Variants in LIPH observed in about 807,000 individuals in gnomAD.
LIPH encodes lipase member H.
LIPH carries 32 observed loss-of-function variants against 47.6 expected under a neutral mutation model. The ratio of observed to expected loss-of-function variants is 0.67; its 90% CI spans 0.51 to 0.90. The LOEUF is 0.90. LIPH is among the 40% of genes least tolerant of loss of function. The probability of loss-of-function intolerance (pLI) is 0.00; values close to 1 mark genes in which losing one functional copy is unlikely to be tolerated. For synonymous variants in LIPH, 190 were observed against 195.6 expected (o/e 0.97, Z 0.24); for missense variants, 497 against 541.4 (o/e 0.92, Z 0.81).
intron 7 of LIPH, 113 bp downstream of exon 7, chr3:185,516,954 A>G: frequency 1.3e-6 from 1 of 792,822 alleles, no homozygotes; most frequent in Admixed American, 1.7e-5. Flanking sequence ...TCCAGCTCCA[A>G]AGTTGATGCT....
At chr3:185,534,506 A>G (rs895877664) in intron 2 of LIPH, among the ~76,000 whole-genome samples, 3 of 152,196 alleles carry the variant, frequency 2.0e-5, no homozygotes, top group Non-Finnish European at 4.4e-5. Context: ...GAAATTTATC[A>G]TAATAAATAT....
intron 9 of LIPH, 140 bp from the exon 10 acceptor site, chr3:185,509,017 G>C: frequency 3.0e-6 from 2 of 668,320 alleles, no homozygotes; most frequent in Non-Finnish European, 5.4e-6. Context: ...GCCAGGCACG[G>C]TGACTCATGC....
Position 185,517,091 on chromosome 3 carries a change from T to C in LIPH, c.958A>G (p.Thr320Ala). 1.9e-6 allele frequency: 3 copies of C among 1,612,644 alleles called. No individual in the cohort carries two copies. Among genetic ancestry groups the C allele is most frequent in the Non-Finnish European group, 2.5e-6 (3 of 1,178,614 alleles). The change falls in exon 7 of 10, where the codon ACA (threonine) becomes GCA (alanine). Residue 320 changes from threonine (T) to alanine (A), a missense_variant. By Grantham distance (58) the Thr-to-Ala change is moderately conservative. Coordinates refer to ENST00000296252, the MANE Select transcript of LIPH (RefSeq NM_139248.3). ...DPPMTKAFFD[T>A]AEESPFCMYH... ...CTGCAGAATGGGCTCTCCTCAGCTGTGTCAAAGAATGCCTTCGTCATTGGA... is the reference window on the plus strand; with the variant it reads ...CTGCAGAATGGGCTCTCCTCAGCTGCGTCAAAGAATGCCTTCGTCATTGGA...
chr3:185,529,271 T>C (rs1393369959), intron 3 of LIPH, among the ~76,000 whole-genome samples: 1 of 149,266 alleles, frequency 6.7e-6, no homozygotes, highest in Admixed American at 6.6e-5. Context: ...ACCAGATCCC[T>C]ACCTGGAGTG....
At chr3:185,550,850 G>C (rs1721028089) in intron 1 of LIPH, among the ~76,000 whole-genome samples, 1 of 152,224 alleles carries the variant, frequency 6.6e-6, no homozygotes, top group African/African-American at 2.4e-5. Flanking sequence ...TTATAGGCAT[G>C]AGCCACTGCG....
intron 5 of LIPH, among the ~76,000 whole-genome samples, chr3:185,522,718 TGTCA>T (rs1328939074): frequency 2.1e-5 from 3 of 145,832 alleles, no homozygotes; most frequent in African/African-American, 7.4e-5. Context: ...CGTCATATTC[TGTCA>T]GTCAGCTCAC....
rs757679211 is a variant in LIPH at position 185,534,828 on chromosome 3, G to C, written c.354C>G (p.Thr118=). The C allele has an allele frequency of 6.2e-7, 1 of 1,613,148 alleles. No individual in the cohort carries two copies. The highest frequency in any genetic ancestry group is 8.5e-7 in the Non-Finnish European group (1 of 1,179,234). The change falls in exon 2 of 10, where the codon ACC becomes ACG. Residue 118 remains threonine (T), a synonymous_variant. Coordinates refer to ENST00000296252, the MANE Select transcript of LIPH (RefSeq NM_139248.3). ...CTTTTCTGGTCTTACTAGAGGCATGGGTATATATTAAAGTTGTAGCTCCTC... is the reference window on the plus strand; with the variant it reads ...CTTTTCTGGTCTTACTAGAGGCATGCGTATATATTAAAGTTGTAGCTCCTC... ...WNRGATTLIY[T]HASSKTRKVA...
At chr3:185,512,491 T>TC in intron 8 of LIPH, among the ~76,000 whole-genome samples, 1 of 51,784 alleles carries the variant, frequency 1.9e-5, no homozygotes, top group East Asian at 3.9e-4. Context: ...TTAATCCTTT[T>TC]TTTTTTTTTT....
chr3:185,534,424 AC>A (rs1560167327), intron 2 of LIPH, among the ~76,000 whole-genome samples: 1 of 152,076 alleles, frequency 6.6e-6, no homozygotes, highest in Non-Finnish European at 1.5e-5. Context: ...AACCTCTCCT[AC>A]CTGTAAGACA....
chr3:185,512,230 A>G (rs1187742716), intron 8 of LIPH, among the ~76,000 whole-genome samples: 1 of 152,164 alleles, frequency 6.6e-6, no homozygotes, highest in African/African-American at 2.4e-5. Flanking sequence ...TCTTTAGCCA[A>G]AATAGATGCT....
At chr3:185,547,028 C>T (rs1279478979) in intron 1 of LIPH, 1 of 393,340 alleles carries the variant, frequency 2.5e-6, no homozygotes, top group Non-Finnish European at 4.9e-6. Context: ...TGAGATTCTA[C>T]GATAGTCAAT....
chr3:185,535,004 A>T lies in LIPH; in HGVS notation c.178T>A (p.Ser60Thr). The change falls in exon 2 of 10, where the codon TCA becomes ACA. Residue 60 changes from serine to threonine, a missense_variant. Ser to Thr is a moderately conservative substitution (Grantham distance 58, BLOSUM62 1). Transcript: ENST00000296252. Reference sequence around the variant, plus strand: ...GTCACATTCAAGTTCCCAAAAGCTGAGGAGTTGATGGTTTGTGCGCAGGTC... The same window carrying T: ...GTCACATTCAAGTTCCCAAAAGCTGTGGAGTTGATGGTTTGTGCGCAGGTC... ...NLTCAQTINS[S>T]AFGNLNVTKK... 1 of 1,613,870 alleles carries T rather than the reference A, an allele frequency of 6.2e-7. No homozygotes were observed.
chr3:185,510,830 A>G (rs138908532), intron 9 of LIPH, among the ~76,000 whole-genome samples: 1 of 152,320 alleles, frequency 6.6e-6, no homozygotes, highest in East Asian at 1.9e-4. Flanking sequence ...ACCTTTTTTT[A>G]TACTAGGCTC....
chr3:185,551,103 G>C (rs1037808344), intron 1 of LIPH, among the ~76,000 whole-genome samples: 1 of 152,120 alleles, frequency 6.6e-6, no homozygotes. Context: ...GAACCAGGGA[G>C]GGGGAGGTTG....
Position 185,511,553 on chromosome 3 carries a change from C to T in LIPH, c.1239G>A (p.Met413Ile). The change falls in exon 9 of 10, where the codon ATG becomes ATA. Residue 413 changes from methionine to isoleucine, a missense_variant. Transcript: ENST00000296252. The part of the protein sequence containing the change: ...GPRYKLRILR[M>I]KLRSLAHPER... ...CCGGATGGGCAAGGGACCTTAACTT[C>T]ATTCGGAGAATCCTGAGCTTGTACC... The T allele has an allele frequency of 6.2e-7, 1 of 1,614,172 alleles. No individual in the cohort carries two copies. Among genetic ancestry groups the T allele is most frequent in the Non-Finnish European group, 8.5e-7 (1 of 1,180,046 alleles).
chr3:185,538,738 C>CATATATATTCCACCAAATA (rs59091182), intron 1 of LIPH, among the ~76,000 whole-genome samples: 25 of 94,226 alleles, frequency 2.7e-4, no homozygotes, highest in East Asian at 1.3e-3. Flanking sequence ...CATATATATA[C>CATATATATTCCACCAAATA]ATATATGTAC....
intron 4 of LIPH, 52 bp from the exon 5 acceptor site, chr3:185,524,212 A>G: frequency 9.7e-7 from 1 of 1,036,028 alleles, no homozygotes. Context: ...TTCCTATCTC[A>G]CAGCTCATTT....
At chr3:185,512,558 G>A (rs568386632) in intron 8 of LIPH, among the ~76,000 whole-genome samples, 3 of 146,910 alleles carry the variant, frequency 2.0e-5, no homozygotes, top group African/African-American at 5.1e-5. Context: ...GTGTGATCTC[G>A]GTTCACTGCA....
At chr3:185,540,725 C>CAA (rs550173961) in intron 1 of LIPH, among the ~76,000 whole-genome samples, 2 of 86,154 alleles carry the variant, frequency 2.3e-5, no homozygotes, top group African/African-American at 8.4e-5. Context: ...CTCAAAGAAC[C>CAA]AAAAAAAAAA....
Sources: gnomAD v4.1 joint callset for allele counts (sites outside exome capture counted in the v4.1 genomes callset) on GRCh38, gnomAD v4.1.1 for gene constraint, MANE v1.5 for transcripts, NCBI Gene and HGNC (gene_info 2026-07-23, HGNC 2026-07-21) for gene names.